PLPP4: variants seen among roughly 807,000 people sequenced by gnomAD.
The protein encoded by PLPP4 is phospholipid phosphatase 4, also known as diacylglycerol pyrophosphate like 2.
In PLPP4, 20 loss-of-function variants were observed where a neutral mutation model predicts 32.2. The observed-to-expected ratio is 0.62, with a 90% CI of 0.44 to 0.90. The LOEUF (loss-of-function observed/expected upper bound fraction) is 0.90, where lower values mean the gene tolerates loss of function less well. Among genes scored for constraint, PLPP4 ranks in the 40% least tolerant of loss-of-function variants. The pLI is 0.00. For missense variants in PLPP4, 257 were observed against 353.1 expected (o/e 0.73, Z 2.18); for synonymous variants, 127 against 133.0 (o/e 0.95, Z 0.31).
chr10:120,583,657 C>T (rs1021955878), intron 6 of PLPP4, among the ~76,000 whole-genome samples: 1 of 152,132 alleles, frequency 6.6e-6, no homozygotes, highest in East Asian at 1.9e-4. Flanking sequence ...TATGGGTTTG[C>T]CTATTCTGCA....
At position 120,521,002 on chromosome 10, in the gene PLPP4, C is replaced by T; in HGVS notation, c.352C>T (p.Pro118Ser). The T allele has an allele frequency of 6.2e-7, 1 of 1,614,016 alleles. No homozygotes were observed. Among genetic ancestry groups the T allele is most frequent in the Non-Finnish European group, 8.5e-7 (1 of 1,180,004 alleles). The change falls in exon 5 of 7, where the codon CCA (proline) becomes TCA (serine). Residue 118 changes from proline (P) to serine (S), a missense_variant. Transcript: ENST00000398250. ...PRPDFFYRCF[P>S]DGVMNSEMHC... ...CCCCGATTTCTTTTACCGCTGCTTTCCAGATGGAGTGATGAACTCGGAAAT... is the reference window on the plus strand; with the variant it reads ...CCCCGATTTCTTTTACCGCTGCTTTTCAGATGGAGTGATGAACTCGGAAAT...
chr10:120,581,753 C>T (rs190235469), intron 6 of PLPP4, among the ~76,000 whole-genome samples: 6 of 152,164 alleles, frequency 3.9e-5, no homozygotes, highest in African/African-American at 7.2e-5. Flanking sequence ...TCACCTTCTC[C>T]GTCTCGTGAT....
chr10:120,582,877 C>G (rs1174268211), intron 6 of PLPP4, among the ~76,000 whole-genome samples: 1 of 149,932 alleles, frequency 6.7e-6, no homozygotes, highest in Non-Finnish European at 1.5e-5. Context: ...CCACTGGGCT[C>G]AGTACTGAGT....
chr10:120,484,634 G>A (rs1414435898), intron 1 of PLPP4, among the ~76,000 whole-genome samples: 1 of 152,192 alleles, frequency 6.6e-6, no homozygotes, highest in African/African-American at 2.4e-5. Context: ...CTGCATTAGG[G>A]ATCAAGTTTG....
chr10:120,458,889 A>G (rs1349941062), intron 1 of PLPP4, among the ~76,000 whole-genome samples: 2 of 152,236 alleles, frequency 1.3e-5, no homozygotes, highest in Non-Finnish European at 2.9e-5. Flanking sequence ...TTCAGTGCAC[A>G]GTAGAATTTA....
intron 6 of PLPP4, among the ~76,000 whole-genome samples, chr10:120,585,787 C>G (rs1360038340): frequency 1.3e-5 from 2 of 152,108 alleles, no homozygotes; most frequent in Non-Finnish European, 2.9e-5. Context: ...TCCAAATGGC[C>G]AACAGTTCTT....
intron 6 of PLPP4, chr10:120,580,857 C>T (rs1328207979): frequency 2.3e-6 from 3 of 1,285,152 alleles, no homozygotes; most frequent in African/African-American, 1.5e-5. Flanking sequence ...CTAATATCCT[C>T]AGCCCAAGTG....
At position 120,589,838 on chromosome 10, in the gene PLPP4, C is replaced by T. The variant is rs1251994115; in HGVS notation, c.*336C>T. The T allele has an allele frequency of 4.5e-6, 1 of 222,158 alleles. No individual in the cohort carries two copies. Among genetic ancestry groups the T allele is most frequent in the Admixed American group, 5.6e-5 (1 of 17,890 alleles). The allele number at this position is 222,158 out of a possible 1,614,324, so 13.8% of individuals were successfully genotyped here. A position where few individuals can be genotyped will look rare whatever the true frequency, so the allele number is the denominator to read the frequency against. The stretch of plus-strand genomic sequence containing the variant: ...ATGGTTGTAAAACATAATAAAACCT[C>T]CCACGTGGAAGACTTGGTGTTGGCC... On this transcript the variant is annotated 3_prime_UTR_variant, in exon 7 of 7. Coordinates refer to ENST00000398250, the MANE Select transcript of PLPP4 (RefSeq NM_001030059.3).
chr10:120,481,991 C>T (rs1479694491), intron 1 of PLPP4, among the ~76,000 whole-genome samples: 2 of 152,234 alleles, frequency 1.3e-5, no homozygotes, highest in Non-Finnish European at 2.9e-5. Flanking sequence ...ACATGACTTG[C>T]TTCTCCTTGC....
At chr10:120,489,820 A>G (rs1449159825) in intron 1 of PLPP4, among the ~76,000 whole-genome samples, 1 of 152,242 alleles carries the variant, frequency 6.6e-6, no homozygotes, top group Non-Finnish European at 1.5e-5. Flanking sequence ...GCCAGCTGCC[A>G]GCTTCCGATT....
chr10:120,507,574 T>C (rs186887519), intron 2 of PLPP4, among the ~76,000 whole-genome samples: 14 of 152,330 alleles, frequency 9.2e-5, no homozygotes, highest in Admixed American at 3.3e-4. Flanking sequence ...CAACTGTCAG[T>C]GGCTGAACCA....
Position 120,589,350 on chromosome 10 carries a change from TAC to T in PLPP4, c.666_667del (p.Tyr222Ter). The T allele has an allele frequency of 6.2e-7, 1 of 1,614,202 alleles. No individual in the cohort carries two copies. The highest frequency in any genetic ancestry group is 8.5e-7 in the Non-Finnish European group (1 of 1,180,048). On this transcript the variant is annotated frameshift_variant, in exon 7 of 7. Coordinates refer to ENST00000398250, the MANE Select transcript of PLPP4 (RefSeq NM_001030059.3). LOFTEE classifies it high-confidence loss of function. ...VIGLIFAYIC[Y>X]RQHYPPLANT... ...CGGCCTCATTTTTGCATACATTTGC[TAC>T]AGACAGCACTATCCTCCTCTGGCCA...
Position 120,589,395 on chromosome 10 carries a change from C to T in PLPP4, c.709C>T (p.Pro237Ser). 6.2e-7 allele frequency: 1 copy of T among 1,614,142 alleles called. No homozygotes were observed. Among genetic ancestry groups the T allele is most frequent in the Non-Finnish European group, 8.5e-7 (1 of 1,180,026 alleles). Residue 237 changes from proline to serine, a missense_variant, in exon 7 of 7, where the codon CCC (proline) becomes TCC (serine). Physicochemically the swap from Pro to Ser is moderately conservative, Grantham distance 74 (BLOSUM62 -1). Coordinates refer to ENST00000398250, the MANE Select transcript of PLPP4 (RefSeq NM_001030059.3). ...PPLANTACHK[P>S]YVSLRVPASL... ...TCTGGCCAACACAGCTTGCCATAAACCCTACGTTAGTCTGCGAGTCCCAGC... is the reference window on the plus strand; with the variant it reads ...TCTGGCCAACACAGCTTGCCATAAATCCTACGTTAGTCTGCGAGTCCCAGC...
At position 120,479,947 on chromosome 10, in the gene PLPP4, G is replaced by T. The variant is rs1292345561; in HGVS notation, c.56+22586G>T. Reference sequence around the variant, plus strand: ...CTCTATTATTGAAAGGCTATGGATGGTATGCTCTCTAAAGCAAGTTAGTTT... The same window carrying T: ...CTCTATTATTGAAAGGCTATGGATGTTATGCTCTCTAAAGCAAGTTAGTTT... On this transcript the variant is annotated intron_variant, in intron 1 of 6. Coordinates refer to ENST00000398250, the MANE Select transcript of PLPP4 (RefSeq NM_001030059.3). Among the ~76,000 whole-genome samples, 3 of 152,188 alleles carry T rather than the reference G, an allele frequency of 2.0e-5. No individual in the cohort carries two copies. In the East Asian group the frequency reaches 5.8e-4, roughly 29 times the overall value.
intron 2 of PLPP4, among the ~76,000 whole-genome samples, chr10:120,506,936 C>T (rs369087428): frequency 6.6e-6 from 1 of 152,202 alleles, no homozygotes; most frequent in African/African-American, 2.4e-5. Context: ...CAGATGCACT[C>T]AAAAGTCTTG....
At chr10:120,542,571 G>A (rs1160045935) in intron 5 of PLPP4, among the ~76,000 whole-genome samples, 1 of 152,178 alleles carries the variant, frequency 6.6e-6, no homozygotes, top group Non-Finnish European at 1.5e-5. Context: ...CATTCTCATT[G>A]CAGACGAGCT....
At chr10:120,549,797 A>G (rs774765521) in intron 5 of PLPP4, among the ~76,000 whole-genome samples, 57 of 152,098 alleles carry the variant, frequency 3.7e-4, no homozygotes, top group Middle Eastern at 6.8e-3. Flanking sequence ...TATGCATGAC[A>G]AAAAATCTGT....
intron 1 of PLPP4, 90 bp from the exon 2 acceptor site, chr10:120,503,728 C>A: frequency 1.3e-6 from 2 of 1,591,048 alleles, no homozygotes; most frequent in Non-Finnish European, 1.7e-6. Flanking sequence ...GGATTCCCAC[C>A]CTGAGGGTGC....
intron 1 of PLPP4, among the ~76,000 whole-genome samples, chr10:120,471,167 ATTC>A (rs1848502130): frequency 6.6e-6 from 1 of 152,148 alleles, no homozygotes; most frequent in East Asian, 1.9e-4. Context: ...CTGTAGTCTT[ATTC>A]TTTTAATTTT....
Sources: allele counts gnomAD v4.1 joint callset (sites outside exome capture counted in the v4.1 genomes callset), GRCh38; gene constraint gnomAD v4.1.1; transcripts MANE v1.5; gene names NCBI Gene and HGNC (gene_info 2026-07-23, HGNC 2026-07-21).